GALK1: variants seen among roughly 807,000 people sequenced by gnomAD.
GALK1 encodes galactokinase.
A neutral mutation model predicts 38.6 loss-of-function variants in GALK1; 30 were observed. The ratio of observed to expected loss-of-function variants is 0.78; its 90% CI spans 0.58 to 1.05. The LOEUF is 1.05. GALK1 is among the 50% of genes least tolerant of loss of function. The pLI, the probability that GALK1 is intolerant of heterozygous loss-of-function variation, is 0.00. For synonymous variants in GALK1, 240 were observed against 233.6 expected (o/e 1.03, Z -0.25); for missense variants, 512 against 540.5 (o/e 0.95, Z 0.52).
At chr17:75,751,866 G>A (rs892326602) in intron 8 of GALK1, 8 of 459,274 alleles carry the variant, frequency 1.7e-5, no homozygotes, top group African/African-American at 9.9e-5. Flanking sequence ...ACCCCTATGC[G>A]TGCCCTTGCC....
intron 8 of GALK1, chr17:75,751,746 A>G (rs1334095170): frequency 4.2e-6 from 1 of 238,202 alleles, no homozygotes; most frequent in African/African-American, 2.3e-5. Context: ...GTCTAAAAAT[A>G]AATAAATAAA....
chr17:75,755,011 T>C (rs375582217), downstream of GALK1: 40 of 1,579,820 alleles, frequency 2.5e-5, no homozygotes, highest in South Asian at 3.5e-4. Context: ...CACACATGCA[T>C]GCACACTCCC....
downstream of GALK1, chr17:75,753,638 C>A: frequency 1.7e-6 from 1 of 582,052 alleles, no homozygotes; most frequent in Non-Finnish European, 2.5e-6. Context: ...CCGCCCCCAA[C>A]ACACACCCCG....
chr17:75,754,822 G>T, downstream of GALK1: 1 of 1,613,956 alleles, frequency 6.2e-7, no homozygotes, highest in South Asian at 1.1e-5. Context: ...CACGGTGAGT[G>T]ACCTCAGCCA....
At chr17:75,753,735 G>A, downstream of GALK1, 1 of 1,372,542 alleles carries the variant, frequency 7.3e-7, no homozygotes, top group Admixed American at 2.8e-5. Flanking sequence ...CCCCCCGGCG[G>A]TGCCAACGCG....
In GALK1 at chr17:75,763,452, G is replaced by T; in HGVS notation, c.356-13C>A. ...GGGAGGGGGGCAGCTGCAGGGGAAA[G>T]AACAGGTGATGGTAAGAGGGGCTGC... is the stretch of plus-strand genomic sequence containing the variant. On this transcript the variant is annotated splice_polypyrimidine_tract_variant and intron_variant, in intron 2 of 7. Coordinates refer to ENST00000588479, the MANE Select transcript of GALK1 (RefSeq NM_000154.2). 6.3e-7 allele frequency: 1 copy of T among 1,581,918 alleles called. No homozygotes were observed. The highest frequency in any genetic ancestry group is 1.7e-4 in the Middle Eastern group (1 of 5,768).
At position 75,752,418 on chromosome 17, in the gene GALK1, G is replaced by A. The variant is rs766783562; in HGVS notation, c.*23-681C>T. 1.3e-5 allele frequency: 21 copies of A among 1,612,744 alleles called. No homozygotes were observed. The South Asian group carries it at 2.0e-4, about 15-fold the overall frequency. ...CAGGGGGGCAGGGGGCAGCAGCCAG[G>A]GCCCTGGCTCACTCCCCTGCCCTGC... On this transcript the variant is annotated intron_variant, in intron 8 of 8. Transcript: ENST00000225614.
downstream of GALK1, chr17:75,757,068 G>A: frequency 6.2e-7 from 1 of 1,612,936 alleles, no homozygotes; most frequent in Non-Finnish European, 8.5e-7. Context: ...CTTCGGGCCA[G>A]AGCGCGAGGG....
At chr17:75,764,493 C>T (rs763516983) in intron 1 of GALK1, 10 of 517,638 alleles carry the variant, frequency 1.9e-5, no homozygotes, top group Non-Finnish European at 3.4e-5. Context: ...ACTCCCAAGT[C>T]GCAGCCCCGC....
chr17:75,758,655 C>G lies in GALK1; in HGVS notation c.794-56G>C. 5 of 1,545,696 alleles carry G rather than the reference C, an allele frequency of 3.2e-6. No individual in the cohort carries two copies. In the South Asian group the frequency reaches 4.7e-5, roughly 15 times the overall value. On this transcript the variant is annotated intron_variant, in intron 5 of 7. Coordinates refer to ENST00000588479, the MANE Select transcript of GALK1 (RefSeq NM_000154.2). Reference sequence around the variant, plus strand: ...TTCTCACTGCCTGGGGCCCCGACGCCTGTGAGGACCAGCAGGCGGTGATGG... The same window carrying G: ...TTCTCACTGCCTGGGGCCCCGACGCGTGTGAGGACCAGCAGGCGGTGATGG...
At position 75,762,891 on chromosome 17, in the gene GALK1, G is replaced by A. The variant is rs1240178016; in HGVS notation, c.612-6C>T. The stretch of plus-strand genomic sequence containing the variant: ...CCAGGCTGGTCTCCAAGGACCTGGG[G>A]TGGAGTTACAATGGGGGAGATGACG... On this transcript the variant is annotated splice_region_variant and splice_polypyrimidine_tract_variant and intron_variant, in intron 4 of 7. Coordinates refer to ENST00000588479, the MANE Select transcript of GALK1 (RefSeq NM_000154.2). 2.5e-6 allele frequency: 4 copies of A among 1,613,266 alleles called. No homozygotes were observed. The highest frequency in any genetic ancestry group is 2.7e-5 in the African/African-American group (2 of 75,052).
At chr17:75,754,789 C>A (rs374562982), downstream of GALK1, 10 of 1,614,040 alleles carry the variant, frequency 6.2e-6, no homozygotes, top group South Asian at 4.4e-5. Context: ...AGGGACTACT[C>A]CACCCTCACC....
intron 1 of GALK1, 158 bp from the exon 2 acceptor site, chr17:75,764,244 T>C: frequency 1.2e-6 from 1 of 816,696 alleles, no homozygotes; most frequent in Non-Finnish European, 2.1e-6. Flanking sequence ...CCAGCTGACC[T>C]TGGGGGCTTG....
downstream of GALK1, chr17:75,757,101 G>T (rs200441318): frequency 1.2e-6 from 2 of 1,612,952 alleles, no homozygotes; most frequent in Non-Finnish European, 1.7e-6. Context: ...AGAGTCCCAG[G>T]ATGGAGGTAG....
At chr17:75,762,139 C>T (rs891984679) in intron 5 of GALK1, among the ~76,000 whole-genome samples, 4 of 152,120 alleles carry the variant, frequency 2.6e-5, no homozygotes, top group Non-Finnish European at 5.9e-5. Context: ...GCCTGGGCAA[C>T]ACTGCAAGAC....
chr17:75,761,337 G>A (rs1411144717), intron 5 of GALK1, among the ~76,000 whole-genome samples: 10 of 151,872 alleles, frequency 6.6e-5, no homozygotes, highest in Non-Finnish European at 8.8e-5. Flanking sequence ...AGAGCCACAC[G>A]GAGGCCAGGT....
At chr17:75,757,224 G>A (rs151053969), downstream of GALK1, 361 of 1,611,850 alleles carry the variant, frequency 2.2e-4, 1 homozygote, top group African/African-American at 2.2e-3. Context: ...CTGGGCAGCC[G>A]TGCCGGGCTC....
intron 5 of GALK1, 119 bp from the exon 6 acceptor site, chr17:75,758,718 CG>C: frequency 7.7e-7 from 1 of 1,294,120 alleles, no homozygotes; most frequent in South Asian, 1.3e-5. Context: ...TGGAAGGCCG[CG>C]GGGGCAGGGC....
downstream of GALK1, chr17:75,757,471 T>G (rs1345835668): frequency 1.9e-6 from 3 of 1,612,932 alleles, no homozygotes; most frequent in East Asian, 6.7e-5. Context: ...TCACCCGGCA[T>G]GTGACCCAGG....
Sources: allele counts gnomAD v4.1 joint callset (sites outside exome capture counted in the v4.1 genomes callset), GRCh38; gene constraint gnomAD v4.1.1; transcripts MANE v1.5; gene names NCBI Gene and HGNC (gene_info 2026-07-23, HGNC 2026-07-21).